The following ITGA2 variants were observed in gnomAD, a reference collection of about 807,000 sequenced individuals.
The protein encoded by ITGA2 is integrin alpha-2.
A neutral mutation model predicts 146.3 loss-of-function variants in ITGA2; 101 were observed. The ratio of observed to expected loss-of-function variants is 0.69; its 90% CI spans 0.59 to 0.81. The LOEUF (loss-of-function observed/expected upper bound fraction) is 0.81, where lower values mean the gene tolerates loss of function less well. ITGA2 is among the 40% of genes least tolerant of loss of function. The pLI, the probability that ITGA2 is intolerant of heterozygous loss-of-function variation, is 0.00. For synonymous variants in ITGA2, 477 were observed against 487.1 expected (o/e 0.98, Z 0.27); for missense variants, 1,281 against 1,402.7 (o/e 0.91, Z 1.39).
At chr5:53,061,724 G>T (rs2111964657) in intron 12 of ITGA2, among the ~76,000 whole-genome samples, 1 of 151,910 alleles carries the variant, frequency 6.6e-6, no homozygotes, top group South Asian at 2.1e-4. Flanking sequence ...TTGACCCAGG[G>T]GCTTGACACA....
intron 2 of ITGA2, among the ~76,000 whole-genome samples, chr5:53,027,327 C>T (rs537440294): frequency 6.6e-6 from 1 of 152,260 alleles, no homozygotes; most frequent in East Asian, 1.9e-4. Flanking sequence ...CTAAGTTAGG[C>T]TTTTGCCCTC....
At position 53,062,796 on chromosome 5, in the gene ITGA2, A is replaced by G. The variant is rs1326153552; in HGVS notation, c.1469A>G (p.Tyr490Cys). The G allele has an allele frequency of 2.5e-6, 4 of 1,611,500 alleles. No homozygotes were observed. The highest frequency in any genetic ancestry group is 2.2e-5 in the East Asian group (1 of 44,760). Residue 490 changes from tyrosine to cysteine, a missense_variant, in exon 13 of 30, where the codon TAT becomes TGT. Coordinates refer to ENST00000296585, the MANE Select transcript of ITGA2 (RefSeq NM_002203.4). ...QAHRGDQIGS[Y>C]FGSVLCSVDV... Reference sequence around the variant, plus strand: ...GTTTTATTACTCCAGATTGGCTCCTATTTTGGTAGTGTGCTGTGTTCAGTT... The same window carrying G: ...GTTTTATTACTCCAGATTGGCTCCTGTTTTGGTAGTGTGCTGTGTTCAGTT...
intron 4 of ITGA2, among the ~76,000 whole-genome samples, chr5:53,047,696 G>A (rs1024585969): frequency 2.0e-5 from 3 of 152,168 alleles, no homozygotes; most frequent in South Asian, 2.1e-4. Context: ...AAACATAGTG[G>A]TCTGTACATA....
In ITGA2 at chr5:53,079,120, A is replaced by T. The variant is rs140672115; in HGVS notation, c.2928+246A>T. ...TGCATATCTAACAAGCTCCCAGGTG[A>T]TGCTTATGCTGCTGGTCCAGGTGCC... On this transcript the variant is annotated intron_variant, in intron 24 of 29. Coordinates refer to ENST00000296585, the MANE Select transcript of ITGA2 (RefSeq NM_002203.4). Among the ~76,000 whole-genome samples the T allele has an allele frequency of 2.1e-4, 32 of 152,252 alleles. No homozygotes were observed. In the East Asian group the frequency reaches 6.2e-3, roughly 29 times the overall value.
chr5:53,056,044 G>A lies in ITGA2; in HGVS notation c.991G>A (p.Ala331Thr). The change falls in exon 9 of 30, where the codon GCA (alanine) becomes ACA (threonine). Residue 331 changes from alanine to threonine, a missense_variant. Coordinates refer to ENST00000296585, the MANE Select transcript of ITGA2 (RefSeq NM_002203.4). The part of the protein sequence containing the change: ...DTKNLIKEIK[A>T]IASIPTERYF... ...TAAAAATTTAATAAAAGAAATAAAA[G>A]CAATCGCTAGTATTCCAACAGAAAG... 6.2e-7 allele frequency: 1 copy of A among 1,609,906 alleles called. No homozygotes were observed. The highest frequency in any genetic ancestry group is 8.5e-7 in the Non-Finnish European group (1 of 1,177,816).
intron 23 of ITGA2, among the ~76,000 whole-genome samples, chr5:53,075,668 TC>T (rs1745630331): frequency 6.6e-6 from 1 of 151,968 alleles, no homozygotes; most frequent in Non-Finnish European, 1.5e-5. Flanking sequence ...ACTGCCTACT[TC>T]CCATTGTATG....
chr5:53,049,012 CTTTTTTT>C (rs111756330), intron 6 of ITGA2, among the ~76,000 whole-genome samples: 1 of 144,050 alleles, frequency 6.9e-6, no homozygotes, highest in African/African-American at 2.5e-5. Flanking sequence ...TGGGACATAA[CTTTTTTT>C]TTTTTTTTTA....
At chr5:52,991,807 C>T (rs1222680021) in intron 1 of ITGA2, among the ~76,000 whole-genome samples, 5 of 152,182 alleles carry the variant, frequency 3.3e-5, no homozygotes, top group Non-Finnish European at 7.3e-5. Context: ...TATCACCTTT[C>T]AGTGCTCATT....
Position 53,067,231 on chromosome 5 carries a change from G to C in ITGA2, c.2057G>C (p.Arg686Thr), listed in dbSNP as rs1745191031. ...AAACTCTGCTTCAGTGCAAAGTTCA[G>C]ACCTACTAAGCAAAACAATCAAGTG... ...ILKLCFSAKF[R>T]PTKQNNQVAI... Residue 686 changes from arginine to threonine, a missense_variant, in exon 16 of 30, where the codon AGA becomes ACA. By Grantham distance (71) the Arg-to-Thr change is moderately conservative (BLOSUM62 -1). Coordinates refer to ENST00000296585, the MANE Select transcript of ITGA2 (RefSeq NM_002203.4). The C allele has an allele frequency of 1.2e-6, 2 of 1,611,594 alleles. No homozygotes were observed. The highest frequency in any genetic ancestry group is 1.7e-6 in the Non-Finnish European group (2 of 1,178,682).
Position 53,045,024 on chromosome 5 carries a change from A to G in ITGA2, c.319A>G (p.Thr107Ala). 6.2e-7 allele frequency: 1 copy of G among 1,613,708 alleles called. No homozygotes were observed. The highest frequency in any genetic ancestry group is 8.5e-7 in the Non-Finnish European group (1 of 1,179,644). Residue 107 changes from threonine (T) to alanine (A), a missense_variant, in exon 4 of 30, where the codon ACT (threonine) becomes GCT (alanine). Physicochemically the swap from Thr to Ala is moderately conservative, Grantham distance 58. Around this residue, in one of 3 missense-constraint regions of ITGA2, gnomAD observed 795 missense variants for 841.7 expected, o/e 0.94. Transcript: ENST00000296585. ...AGCTTCAACAAGCATTCCAAATGTT[A>G]CTGAGATGAAAACCAACATGAGCCT... ...LQTSTSIPNV[T>A]EMKTNMSLGL...
At chr5:53,026,943 C>G (rs940905005) in intron 2 of ITGA2, 75 bp downstream of exon 2, 1 of 1,315,630 alleles carries the variant, frequency 7.6e-7, no homozygotes, top group African/African-American at 1.5e-5. Flanking sequence ...ATTGCTTTTT[C>G]AAATTGGTGC....
Position 53,031,768 on chromosome 5 carries a change from G to A in ITGA2, c.185+4900G>A, listed in dbSNP as rs371560058. The stretch of plus-strand genomic sequence containing the variant: ...AGAGTACCTGGGCAGCCCTCTGGCT[G>A]TAAGTAAGGCTGTGGTCTGTTCTCT... On this transcript the variant is annotated intron_variant, in intron 2 of 29. Transcript: ENST00000296585. Among the ~76,000 whole-genome samples the A allele has an allele frequency of 4.1e-4, 63 of 152,338 alleles. 1 individual carries two copies. The South Asian group carries it at 0.011, about 27-fold the overall frequency.
chr5:53,073,404 T>C (rs2112002154), intron 20 of ITGA2, 145 bp downstream of exon 20: 1 of 900,452 alleles, frequency 1.1e-6, no homozygotes, highest in Non-Finnish European at 1.8e-6. Context: ...CTAGTTAAAC[T>C]GCATGAGAAC....
At chr5:53,077,881 G>A (rs992126047) in intron 23 of ITGA2, among the ~76,000 whole-genome samples, 4 of 152,126 alleles carry the variant, frequency 2.6e-5, no homozygotes, top group Middle Eastern at 3.4e-3. Context: ...TATAATTAAC[G>A]TAAATTGTCC....
At chr5:53,060,253 T>C (rs903333591) in intron 11 of ITGA2, among the ~76,000 whole-genome samples, 21 of 151,952 alleles carry the variant, frequency 1.4e-4, no homozygotes, top group Admixed American at 1.4e-3. Flanking sequence ...TCCTGGAACA[T>C]GATTGTGTTC....
intron 4 of ITGA2, among the ~76,000 whole-genome samples, chr5:53,045,518 A>C (rs1378013185): frequency 6.6e-6 from 1 of 152,196 alleles, no homozygotes; most frequent in Non-Finnish European, 1.5e-5. Context: ...GCAGTCTCTC[A>C]TGTCAGTGCT....
intron 21 of ITGA2, among the ~76,000 whole-genome samples, chr5:53,074,794 T>C (rs1745583412): frequency 6.6e-6 from 1 of 151,964 alleles, no homozygotes; most frequent in Non-Finnish European, 1.5e-5. Flanking sequence ...AAGTTTCACA[T>C]CAGCTCAAAG....
rs908834659 is a variant in ITGA2 at position 53,051,410 on chromosome 5, G to T, written c.631-1G>T. ...ATTAATAAATGTCTCCTCTGTTGAA[G>T]GTGGGGTTAATTCAGTATGCCAATA... On this transcript the variant is annotated splice_acceptor_variant, in intron 6 of 29. Transcript: ENST00000296585. LOFTEE classifies it high-confidence loss of function. 3.0e-5 allele frequency: 49 copies of T among 1,612,872 alleles called. No homozygotes were observed. Among genetic ancestry groups the T allele is most frequent in the Non-Finnish European group, 4.2e-5 (49 of 1,179,208 alleles).
chr5:53,005,064 G>A (rs543257923), intron 1 of ITGA2, among the ~76,000 whole-genome samples: 5 of 151,848 alleles, frequency 3.3e-5, no homozygotes, highest in East Asian at 1.9e-4. Context: ...ATCATTTCCC[G>A]TTGCCATACA....
Sources: allele counts gnomAD v4.1 joint callset (sites outside exome capture counted in the v4.1 genomes callset), GRCh38; gene constraint gnomAD v4.1.1; regional missense constraint gnomAD v4.1.1; transcripts MANE v1.5; gene names NCBI Gene and HGNC (gene_info 2026-07-23, HGNC 2026-07-21).